Variants in TENM2 observed in about 807,000 individuals in gnomAD.
TENM2 encodes the protein teneurin-2.
TENM2 carries 52 observed loss-of-function variants against 245.2 expected under a neutral mutation model. The ratio of observed to expected loss-of-function variants is 0.21; its 90% CI spans 0.17 to 0.27. The LOEUF (loss-of-function observed/expected upper bound fraction) is 0.27. TENM2 is among the 10% of genes least tolerant of loss of function. The pLI is 1.00. For missense variants in TENM2, 3,046 were observed against 3,666.8 expected (o/e 0.83, Z 4.37); for synonymous variants, 1,363 against 1,438.9 (o/e 0.95, Z 1.19).
At chr5:168,057,324 C>T (rs1288924389) in intron 6 of TENM2, among the ~76,000 whole-genome samples, 1 of 151,668 alleles carries the variant, frequency 6.6e-6, no homozygotes, top group East Asian at 1.9e-4. Context: ...CACACACACA[C>T]ACACACACTC....
chr5:168,117,919 G>A (rs780826501), intron 9 of TENM2, among the ~76,000 whole-genome samples: 4 of 152,152 alleles, frequency 2.6e-5, no homozygotes, highest in Non-Finnish European at 4.4e-5. Flanking sequence ...TCCCAGCCGG[G>A]CTCCCCTGCT....
intron 2 of TENM2, among the ~76,000 whole-genome samples, chr5:167,599,197 C>A (rs954254853): frequency 2.0e-5 from 3 of 152,102 alleles, no homozygotes; most frequent in Non-Finnish European, 4.4e-5. Context: ...TAAGGTAGGG[C>A]TTGGGAAATT....
intron 2 of TENM2, among the ~76,000 whole-genome samples, chr5:167,607,010 T>C (rs761238469): frequency 6.6e-6 from 1 of 152,130 alleles, no homozygotes; most frequent in Non-Finnish European, 1.5e-5. Context: ...CTCCTGAATA[T>C]ATCAGGAAGG....
rs1316255706 is a variant in TENM2 at position 168,115,438 on chromosome 5, GA to G, written c.1814-2847del. Among the ~76,000 whole-genome samples the G allele has an allele frequency of 2.1e-4, 30 of 142,250 alleles. 1 individual carries two copies. The highest frequency in any genetic ancestry group is 6.4e-4 in the African/African-American group (22 of 34,628). 93.3% of individuals were successfully genotyped at this position (142,250 alleles called of 152,430 possible). A position where few individuals can be genotyped will look rare whatever the true frequency, so the allele number is the denominator to read the frequency against. ...AGGAAAGGAAGGAAAGAAAAAAAAA[GA>G]AAAAAATTTTATCTATATTTTTTAT... is the stretch of plus-strand genomic sequence containing the variant. On this transcript the variant is annotated intron_variant, in intron 9 of 28. Coordinates refer to ENST00000518659, the Ensembl canonical transcript of TENM2.
At chr5:167,274,182 C>T in the TENM2 span, among the ~76,000 whole-genome samples, 1 of 152,104 alleles carries the variant, frequency 6.6e-6, no homozygotes, top group Non-Finnish European at 1.5e-5. Flanking sequence ...TTAACCCTGA[C>T]AGCCACTAAC....
intron 16 of TENM2, among the ~76,000 whole-genome samples, 185 bp downstream of exon 18, chr5:168,199,299 C>A (rs1761733755): frequency 6.6e-6 from 1 of 152,230 alleles, no homozygotes; most frequent in Admixed American, 6.5e-5. Flanking sequence ...TGGATGTCTG[C>A]AGATAGTCGT....
exon 27 of TENM2, chr5:168,248,222 G>A (rs367921349): frequency 4.1e-5 from 66 of 1,614,032 alleles, no homozygotes; most frequent in Middle Eastern, 1.6e-4. Context: ...TTCACTCAGC[G>A]TGATTATGAT....
At chr5:167,476,106 A>G (rs1406961050) in intron 2 of TENM2, among the ~76,000 whole-genome samples, 1 of 152,234 alleles carries the variant, frequency 6.6e-6, no homozygotes, top group African/African-American at 2.4e-5. Context: ...AAGTATATGA[A>G]GAAAATCCAG....
the TENM2 span, among the ~76,000 whole-genome samples, chr5:167,158,472 T>G: frequency 1.3e-5 from 2 of 152,174 alleles, no homozygotes; most frequent in African/African-American, 4.8e-5. Flanking sequence ...GGTCTTTCTG[T>G]CATAGTCAGT....
At chr5:167,930,180 A>G (rs1778169080) in intron 3 of TENM2, among the ~76,000 whole-genome samples, 1 of 152,200 alleles carries the variant, frequency 6.6e-6, no homozygotes, top group Non-Finnish European at 1.5e-5. Flanking sequence ...CCTATCTCAG[A>G]TAGAGGGGGC....
intron 5 of TENM2, among the ~76,000 whole-genome samples, chr5:168,039,382 A>G (rs1281386822): frequency 1.3e-5 from 2 of 152,176 alleles, no homozygotes; most frequent in Admixed American, 6.5e-5. Context: ...AGAAAGATCC[A>G]TTTAGGTGTA....
chr5:167,051,454 T>C, the TENM2 span, among the ~76,000 whole-genome samples: 57 of 151,944 alleles, frequency 3.8e-4, no homozygotes, highest in East Asian at 9.3e-3. Context: ...GCTTGGAGTG[T>C]ACATTTCCTT....
chr5:167,067,858 T>C, the TENM2 span, among the ~76,000 whole-genome samples: 11 of 152,188 alleles, frequency 7.2e-5, no homozygotes, highest in African/African-American at 1.7e-4. Flanking sequence ...AAGATCCAAC[T>C]TGGCTAGCTT....
chr5:167,798,576 G>T (rs956267044), intron 2 of TENM2, among the ~76,000 whole-genome samples: 3 of 152,196 alleles, frequency 2.0e-5, no homozygotes, highest in Non-Finnish European at 2.9e-5. Context: ...ATTGACTGAC[G>T]TAGGGCTGAA....
intron 2 of TENM2, among the ~76,000 whole-genome samples, chr5:167,661,294 A>G (rs1183980756): frequency 1.3e-5 from 2 of 152,166 alleles, no homozygotes; most frequent in African/African-American, 4.8e-5. Flanking sequence ...ATCATATACA[A>G]CATTTTATAA....
intron 2 of TENM2, among the ~76,000 whole-genome samples, chr5:167,564,530 A>G (rs145318277): frequency 6.6e-6 from 1 of 152,158 alleles, no homozygotes; most frequent in East Asian, 1.9e-4. Context: ...CAGAGTTGGA[A>G]ATAATCAGCA....
chr5:167,336,432 G>A (rs13165082), intron 1 of TENM2, among the ~76,000 whole-genome samples: 62,018 of 150,748 alleles, frequency 0.41, 14,002 homozygotes, highest in Non-Finnish European at 0.52. Flanking sequence ...CTTGTCCACA[G>A]GAGTGGTGGG....
At chr5:167,973,590 G>C (rs1477375934) in intron 4 of TENM2, among the ~76,000 whole-genome samples, 1 of 152,202 alleles carries the variant, frequency 6.6e-6, no homozygotes, top group African/African-American at 2.4e-5. Flanking sequence ...GGAGCGTGGA[G>C]TGCATCCAAC....
chr5:168,023,149 A>G (rs944949291), intron 5 of TENM2, among the ~76,000 whole-genome samples: 2 of 152,218 alleles, frequency 1.3e-5, no homozygotes, highest in African/African-American at 4.8e-5. Context: ...AAGCTTCTGT[A>G]ATCTTGCCTT....
Sources: gnomAD v4.1 joint callset for allele counts (sites outside exome capture counted in the v4.1 genomes callset) on GRCh38, gnomAD v4.1.1 for gene constraint, MANE v1.5 for transcripts, NCBI Gene and HGNC (gene_info 2026-07-23, HGNC 2026-07-21) for gene names.